The following LSP1 variants were observed in gnomAD, a reference collection of about 807,000 sequenced individuals.
LSP1 encodes lymphocyte specific protein 1.
A neutral mutation model predicts 49.3 loss-of-function variants in LSP1; 32 were observed. The ratio of observed to expected loss-of-function variants is 0.65; its 90% confidence interval spans 0.49 to 0.87. LSP1 has a LOEUF of 0.87. Among genes scored for constraint, LSP1 ranks in the 40% least tolerant of loss-of-function variants. The pLI is 0.00. For missense variants in LSP1, 428 were observed against 442.6 expected (o/e 0.97, Z 0.30); for synonymous variants, 179 against 178.8 (o/e 1.00, Z -0.01).
In LSP1 at chr11:1,876,772, G is replaced by A. The variant is rs796578759; in HGVS notation, c.54-3315G>A. The A allele has an allele frequency of 2.9e-5, 12 of 414,850 alleles. 2 individuals carry two copies. Among genetic ancestry groups the A allele is most frequent in the African/African-American group, 2.6e-4 (12 of 46,304 alleles). 25.7% of individuals were successfully genotyped at this position (414,850 alleles called of 1,614,324 possible). A position where few individuals can be genotyped will look rare whatever the true frequency, so the allele number is the denominator to read the frequency against. On this transcript the variant is annotated intron_variant, in intron 1 of 10. Transcript: ENST00000311604. ...AAGGGCCAGCGTCCCGAGTCGGGGG[G>A]TGCTTGGCAGTGGATGAGGCCGGCA...
In LSP1 at chr11:1,881,554, A is replaced by G. The variant is rs754745738; in HGVS notation, c.314A>G (p.Glu105Gly). The G allele has an allele frequency of 6.5e-7, 1 of 1,541,376 alleles. No individual in the cohort carries two copies. ...GCGCAGGGCGCCTTGGACAGCGGAG[A>G]GCCCCCCCAGTGCAGGAGTCCTGAG... The part of the protein sequence containing the change: ...EGAQGALDSG[E>G]PPQCRSPEGE... Residue 105 changes from glutamate (E) to glycine (G), a missense_variant, in exon 3 of 11, where the codon GAG (glutamate) becomes GGG (glycine). Physicochemically the swap from Glu to Gly is moderately conservative, Grantham distance 98 (BLOSUM62 -2). Coordinates refer to ENST00000311604, the MANE Select transcript of LSP1 (RefSeq NM_002339.3).
intron 1 of LSP1, chr11:1,866,883 A>G (rs1416863114): frequency 6.5e-7 from 1 of 1,531,400 alleles, no homozygotes; most frequent in African/African-American, 1.4e-5. Context: ...GCATCCGTCC[A>G]GCGGGCCCAG....
At chr11:1,870,452 G>T in intron 1 of LSP1, 1 of 1,201,454 alleles carries the variant, frequency 8.3e-7, no homozygotes, top group Non-Finnish European at 1.1e-6. Context: ...GGAGGGGCTG[G>T]TCAGCCATGA....
chr11:1,868,662 C>T, intron 1 of LSP1: 4 of 985,760 alleles, frequency 4.1e-6, no homozygotes, highest in Non-Finnish European at 4.8e-6. Flanking sequence ...GGGGTAGCCC[C>T]CGCCCTGGCA....
intron 3 of LSP1, among the ~76,000 whole-genome samples, chr11:1,883,155 C>T (rs1848617305): frequency 6.6e-6 from 1 of 152,220 alleles, no homozygotes; most frequent in Non-Finnish European, 1.5e-5. Flanking sequence ...CTGGGGGACC[C>T]TCAGTCTGTA....
intron 1 of LSP1, chr11:1,866,648 C>T (rs767485594): frequency 6.4e-7 from 1 of 1,550,496 alleles, no homozygotes; most frequent in Middle Eastern, 1.7e-4. Flanking sequence ...CTGGTCAGAC[C>T]TCCCTCCCTG....
rs902777187 is a variant in LSP1 at position 1,890,274 on chromosome 11, G to A, written c.*14-1499G>A. Reference sequence around the variant, plus strand: ...GGGTAGGGCAGCCACCATGCGGGGAGCCTCGGCGGGGCGTGGGGCTTCAGG... The same window carrying A: ...GGGTAGGGCAGCCACCATGCGGGGAACCTCGGCGGGGCGTGGGGCTTCAGG... On this transcript the variant is annotated intron_variant, in intron 10 of 10. Transcript: ENST00000311604. The A allele has an allele frequency of 8.4e-6, 6 of 713,152 alleles. No individual in the cohort carries two copies. The East Asian group carries it at 1.1e-4, about 13-fold the overall frequency. The allele number at this position is 713,152 out of a possible 1,614,324, so 44.2% of individuals were successfully genotyped here.
chr11:1,869,069 C>T, intron 1 of LSP1: 1 of 939,428 alleles, frequency 1.1e-6, no homozygotes. Context: ...GAGAGAAGCC[C>T]TTGGGTGACC....
At chr11:1,859,078 C>T (rs1002999128) in intron 1 of LSP1, among the ~76,000 whole-genome samples, 3 of 152,158 alleles carry the variant, frequency 2.0e-5, no homozygotes, top group Admixed American at 6.5e-5. Context: ...GGGCCCCTGA[C>T]CTCAGTGCTT....
At chr11:1,870,132 G>A (rs1056260042) in intron 1 of LSP1, 8 of 539,760 alleles carry the variant, frequency 1.5e-5, no homozygotes, top group African/African-American at 7.8e-5. Context: ...CTCTTTAAAC[G>A]GGGATGTCTG....
Position 1,884,120 on chromosome 11 carries a change from A to G in LSP1, c.591+96A>G. 1.4e-6 allele frequency: 2 copies of G among 1,454,866 alleles called. No individual in the cohort carries two copies. The highest frequency in any genetic ancestry group is 1.9e-6 in the Non-Finnish European group (2 of 1,044,996). The allele number at this position is 1,454,866 out of a possible 1,614,324, so 90.1% of individuals were successfully genotyped here. A position where few individuals can be genotyped will look rare whatever the true frequency, so the allele number is the denominator to read the frequency against. On this transcript the variant is annotated intron_variant, in intron 5 of 10. Transcript: ENST00000311604. This position sits in a 1 kb window ranked among gnomAD's most constrained non-coding sequence, Gnocchi z 4.1. ...TGCCAGCCACAGGAAGACCAGGCCC[A>G]GGCCTGGCTTTTGTCTGCTATCCCC... is the stretch of plus-strand genomic sequence containing the variant.
intron 7 of LSP1, among the ~76,000 whole-genome samples, chr11:1,885,629 T>A (rs1316149494): frequency 6.6e-6 from 1 of 151,932 alleles, no homozygotes; most frequent in East Asian, 1.9e-4. Context: ...AATACTTCTT[T>A]ATCTAATCAG....
chr11:1,865,282 G>T, intron 1 of LSP1: 1 of 976,294 alleles, frequency 1.0e-6, no homozygotes, highest in Non-Finnish European at 1.2e-6. Context: ...TCCTGCCCTG[G>T]CTGGGCATGG....
Position 1,884,619 on chromosome 11 carries a change from G to GCATCCTGGCACCATTCCTT in LSP1, c.717+44_717+62dup, listed in dbSNP as rs764658260. On this transcript the variant is annotated intron_variant, in intron 7 of 10. Transcript: ENST00000311604. This position sits in a 1 kb window ranked among gnomAD's most constrained non-coding sequence, Gnocchi z 4.1. ...TCCCCTCTGCTGTCAGGTCCCTCCTGCATCCTGGCACCATTCCTTCATCCA... is the reference window on the plus strand; with the variant it reads ...TCCCCTCTGCTGTCAGGTCCCTCCTGCATCCTGGCACCATTCCTTCATCCTGGCACCATTCCTTCATCCA... The GCATCCTGGCACCATTCCTT allele has an allele frequency of 1.2e-4, 185 of 1,557,052 alleles. No homozygotes were observed. The highest frequency in any genetic ancestry group is 1.5e-4 in the Non-Finnish European group (172 of 1,129,510).
At chr11:1,866,396 G>T (rs762978988) in intron 1 of LSP1, 25 of 1,287,206 alleles carry the variant, frequency 1.9e-5, no homozygotes, top group Non-Finnish European at 2.6e-5. Context: ...GAGCTAAGTG[G>T]GGTCTGAGGA....
intron 1 of LSP1, among the ~76,000 whole-genome samples, chr11:1,879,646 G>A (rs1848454857): frequency 3.9e-5 from 6 of 152,228 alleles, no homozygotes; most frequent in Admixed American, 3.3e-4. Flanking sequence ...CCGCCTGGCG[G>A]TGGGCTGCGG....
In LSP1 at chr11:1,862,146, G is replaced by T. The variant is rs545819632; in HGVS notation, c.53+8949G>T. On this transcript the variant is annotated intron_variant, in intron 1 of 10. Coordinates refer to ENST00000311604, the MANE Select transcript of LSP1 (RefSeq NM_002339.3). ...GGGTGGATGGGTAAAATGGATGGATGAACTGATGGATGAATGGAGAGATGG... is the reference window on the plus strand; with the variant it reads ...GGGTGGATGGGTAAAATGGATGGATTAACTGATGGATGAATGGAGAGATGG... Among the ~76,000 whole-genome samples the T allele has an allele frequency of 1.4e-4, 22 of 152,232 alleles. No homozygotes were observed. In the South Asian group the frequency reaches 4.6e-3, roughly 32 times the overall value.
At chr11:1,876,436 C>T (rs1848312894) in intron 1 of LSP1, 5 of 985,218 alleles carry the variant, frequency 5.1e-6, no homozygotes, top group African/African-American at 3.5e-5. Flanking sequence ...AGAAGCTCCC[C>T]CTCCCCTCGA....
At chr11:1,855,680 G>A (rs1044310129) in intron 1 of LSP1, among the ~76,000 whole-genome samples, 4 of 152,232 alleles carry the variant, frequency 2.6e-5, no homozygotes, top group Admixed American at 2.6e-4. Context: ...GCTGGACTGC[G>A]GTTCCTCCAC....
Sources: gnomAD v4.1 joint callset for allele counts (sites outside exome capture counted in the v4.1 genomes callset) on GRCh38, gnomAD v4.1.1 for gene constraint, Gnocchi (gnomAD v3.1) non-coding constraint, MANE v1.5 for transcripts, NCBI Gene and HGNC (gene_info 2026-07-23, HGNC 2026-07-21) for gene names.